The following SUGCT variants were observed in gnomAD, a reference collection of about 807,000 sequenced individuals.
SUGCT encodes succinyl-CoA:glutarate CoA-transferase.
A neutral mutation model predicts 55.0 loss-of-function variants in SUGCT; 41 were observed. That is an observed-to-expected ratio of 0.74 (90% CI 0.58 to 0.97). The LOEUF (loss-of-function observed/expected upper bound fraction) is 0.97. Among genes scored for constraint, SUGCT ranks in the 50% least tolerant of loss-of-function variants. The pLI is 0.00. For synonymous variants in SUGCT, 187 were observed against 200.4 expected (o/e 0.93, Z 0.56); for missense variants, 568 against 547.8 (o/e 1.04, Z -0.37).
At chr7:40,139,993 C>G (rs988853897) in intron 1 of SUGCT, among the ~76,000 whole-genome samples, 1 of 151,922 alleles carries the variant, frequency 6.6e-6, no homozygotes, top group Non-Finnish European at 1.5e-5. Context: ...GCCTCCGCCT[C>G]CTGGGTTCAA....
intron 12 of SUGCT, among the ~76,000 whole-genome samples, chr7:40,670,743 T>C (rs959702539): frequency 6.6e-6 from 1 of 152,018 alleles, no homozygotes; most frequent in Admixed American, 6.6e-5. Flanking sequence ...ATAATATAAA[T>C]AGCCTTACAA....
chr7:40,684,596 A>G (rs1404609009), intron 12 of SUGCT, among the ~76,000 whole-genome samples: 2 of 152,196 alleles, frequency 1.3e-5, no homozygotes, highest in Non-Finnish European at 2.9e-5. Context: ...TAAATAATAC[A>G]GTTAATACCA....
At chr7:40,181,218 A>C (rs1785185167) in intron 2 of SUGCT, among the ~76,000 whole-genome samples, 1 of 152,194 alleles carries the variant, frequency 6.6e-6, no homozygotes, top group Non-Finnish European at 1.5e-5. Flanking sequence ...CTTAAAAAAC[A>C]AAAATTGGAA....
intron 3 of SUGCT, among the ~76,000 whole-genome samples, chr7:40,182,557 G>A (rs1785277325): frequency 2.3e-5 from 3 of 128,592 alleles, no homozygotes; most frequent in South Asian, 2.6e-4. Flanking sequence ...GCAAGACTCC[G>A]TTTCAAAAAA....
At chr7:40,958,528 T>A in the SUGCT span, among the ~76,000 whole-genome samples, 1 of 151,910 alleles carries the variant, frequency 6.6e-6, no homozygotes, top group Non-Finnish European at 1.5e-5. Flanking sequence ...TTTATGTTCT[T>A]CTCTAAACTG....
intron 9 of SUGCT, among the ~76,000 whole-genome samples, chr7:40,329,002 T>C (rs1322661762): frequency 6.6e-6 from 1 of 152,154 alleles, no homozygotes; most frequent in Non-Finnish European, 1.5e-5. Context: ...AGGTCAGGGC[T>C]CTTTAGCTCA....
chr7:40,675,085 G>A (rs1173845021), intron 12 of SUGCT, among the ~76,000 whole-genome samples: 1 of 143,974 alleles, frequency 6.9e-6, no homozygotes, highest in Non-Finnish European at 1.5e-5. Context: ...TTTTGAGACA[G>A]AGTTTCACTC....
chr7:40,834,338 A>G (rs1792851816), intron 13 of SUGCT, among the ~76,000 whole-genome samples: 1 of 152,152 alleles, frequency 6.6e-6, no homozygotes, highest in Admixed American at 6.5e-5. Flanking sequence ...TACATGGAGA[A>G]AGATGTTGGA....
chr7:40,696,736 T>TA (rs1413717256), intron 12 of SUGCT, among the ~76,000 whole-genome samples: 1 of 152,178 alleles, frequency 6.6e-6, no homozygotes, highest in Non-Finnish European at 1.5e-5. Context: ...CATTACTTCA[T>TA]AAATACATGA....
At chr7:41,031,173 G>C in the SUGCT span, among the ~76,000 whole-genome samples, 12 of 151,330 alleles carry the variant, frequency 7.9e-5, no homozygotes, top group Admixed American at 5.3e-4. Context: ...TGTTACCCAG[G>C]CTGGCCCATA....
chr7:40,407,233 A>T (rs530624202), intron 9 of SUGCT, among the ~76,000 whole-genome samples: 1 of 152,202 alleles, frequency 6.6e-6, no homozygotes, highest in Admixed American at 6.5e-5. Flanking sequence ...ATTCAAGGAA[A>T]ATTTTACCCT....
At chr7:40,777,708 C>G (rs1238962129) in intron 13 of SUGCT, among the ~76,000 whole-genome samples, 2 of 152,022 alleles carry the variant, frequency 1.3e-5, no homozygotes, top group South Asian at 4.2e-4. Flanking sequence ...GATCTTTAAT[C>G]TTTCCTTTGG....
chr7:40,596,086 A>G (rs1797996046), intron 12 of SUGCT, among the ~76,000 whole-genome samples: 1 of 152,186 alleles, frequency 6.6e-6, no homozygotes, highest in South Asian at 2.1e-4. Context: ...TTCTTTTCAA[A>G]CTAGAGAATC....
the SUGCT span, among the ~76,000 whole-genome samples, chr7:40,991,046 G>A: frequency 6.6e-6 from 1 of 152,172 alleles, no homozygotes; most frequent in Non-Finnish European, 1.5e-5. Flanking sequence ...TGGCACAAGA[G>A]GCCTAGCTTT....
At chr7:40,495,894 A>G (rs1791944339) in intron 11 of SUGCT, among the ~76,000 whole-genome samples, 1 of 152,126 alleles carries the variant, frequency 6.6e-6, no homozygotes, top group Admixed American at 6.5e-5. Flanking sequence ...TTTTGTTTTG[A>G]AGAATAATAT....
chr7:40,821,699 T>C (rs909800370), intron 13 of SUGCT, among the ~76,000 whole-genome samples: 1 of 152,212 alleles, frequency 6.6e-6, no homozygotes, highest in Non-Finnish European at 1.5e-5. Flanking sequence ...ATTTTGTTGA[T>C]CTTTTCAAAA....
At chr7:40,316,436 A>G (rs1795436165) in intron 8 of SUGCT, among the ~76,000 whole-genome samples, 1 of 152,174 alleles carries the variant, frequency 6.6e-6, no homozygotes, top group Non-Finnish European at 1.5e-5. Flanking sequence ...TTGCTGATGT[A>G]TATTGCCATG....
At chr7:40,626,231 G>C (rs1799519951) in intron 12 of SUGCT, among the ~76,000 whole-genome samples, 1 of 151,866 alleles carries the variant, frequency 6.6e-6, no homozygotes. Context: ...TGCCTTTAAA[G>C]AGACTTTCTT....
rs566106567 is a variant in SUGCT, at chr7:40,494,819, C to T, written c.987-1465C>T. Among the ~76,000 whole-genome samples, 9 of 152,172 alleles carry T rather than the reference C, an allele frequency of 5.9e-5. No individual in the cohort carries two copies. In the South Asian group the frequency reaches 1.9e-3, roughly 32 times the overall value. On this transcript the variant is annotated intron_variant, in intron 11 of 13. Coordinates refer to ENST00000335693, the MANE Select transcript of SUGCT (RefSeq NM_001193313.2). ...CCTTATTTTGGAACATACATTTATT[C>T]CATTTTTTTCTTTTTATTTCTCGTT...
Sources: gnomAD v4.1 joint callset for allele counts (sites outside exome capture counted in the v4.1 genomes callset) on GRCh38, gnomAD v4.1.1 for gene constraint, MANE v1.5 for transcripts, NCBI Gene and HGNC (gene_info 2026-07-23, HGNC 2026-07-21) for gene names.